RNF182: variants seen among roughly 807,000 people sequenced by gnomAD.
RNF182 encodes the protein ring finger protein 182.
In RNF182, 15 loss-of-function variants were observed where a neutral mutation model predicts 14.4. The ratio of observed to expected loss-of-function variants is 1.04; its 90% confidence interval spans 0.70 to 1.60. The LOEUF (loss-of-function observed/expected upper bound fraction) is 1.60. Among genes scored for constraint, RNF182 ranks in the 40% most tolerant of loss-of-function variants. The pLI, the probability that RNF182 is intolerant of heterozygous loss-of-function variation, is 0.00. For synonymous variants in RNF182, 128 were observed against 122.9 expected (o/e 1.04, Z -0.27); for missense variants, 268 against 294.8 (o/e 0.91, Z 0.67).
At chr6:13,968,451 A>G (rs1029893427) in intron 1 of RNF182, among the ~76,000 whole-genome samples, 3 of 152,256 alleles carry the variant, frequency 2.0e-5, no homozygotes, top group African/African-American at 7.2e-5. Flanking sequence ...TGACAATGGA[A>G]TCATATGAAA....
chr6:13,977,706 C>T lies in RNF182; in HGVS notation c.587C>T (p.Ser196Phe). The T allele has an allele frequency of 6.2e-7, 1 of 1,614,150 alleles. No homozygotes were observed. ...TTGCTAGGTTTGCTCTACTTCAGCT[C>T]CTTACCCTTAGGAATCTACTTACTG... ...VWLLGLLYFSSLPLGIYLLVS... is the reference protein window; with the variant it reads ...VWLLGLLYFSFLPLGIYLLVS... Residue 196 changes from serine to phenylalanine, a missense_variant, in exon 3 of 3, where the codon TCC (serine) becomes TTC (phenylalanine). Coordinates refer to ENST00000488300, the MANE Select transcript of RNF182 (RefSeq NM_152737.4).
At chr6:13,931,256 T>C (rs1368645170) in intron 1 of RNF182, among the ~76,000 whole-genome samples, 1 of 152,226 alleles carries the variant, frequency 6.6e-6, no homozygotes, top group Non-Finnish European at 1.5e-5. Context: ...TTTTGTTTTA[T>C]ACTGTGTTCT....
chr6:13,958,245 G>T (rs1759779314), intron 1 of RNF182, among the ~76,000 whole-genome samples: 1 of 152,060 alleles, frequency 6.6e-6, no homozygotes, highest in African/African-American at 2.4e-5. Context: ...AGTTAGCTGG[G>T]TGTGGTGGTG....
Position 13,968,610 on chromosome 6 carries a change from A to G in RNF182, c.-366-5600A>G, listed in dbSNP as rs150020950. Among the ~76,000 whole-genome samples the G allele has an allele frequency of 1.8e-4, 27 of 152,340 alleles. No individual in the cohort carries two copies. The East Asian group carries it at 4.6e-3, about 26-fold the overall frequency. ...ACAGCACAAAAAAGTCTAGAGACCA[A>G]TTTAATTTTCAGTACAGATGTAAAG... On this transcript the variant is annotated intron_variant, in intron 1 of 2. Transcript: ENST00000488300.
intron 1 of RNF182, among the ~76,000 whole-genome samples, chr6:13,925,657 T>G (rs1308821304): frequency 1.3e-5 from 2 of 152,174 alleles, no homozygotes; most frequent in Non-Finnish European, 2.9e-5. Flanking sequence ...TACCGATACT[T>G]TGTCAAGGAG....
At chr6:13,976,882 T>A in intron 2 of RNF182, 27 bp from the exon 3 acceptor site, 1 of 511,448 alleles carries the variant, frequency 2.0e-6, no homozygotes, top group Non-Finnish European at 3.4e-6. Context: ...CTGTTCATTA[T>A]ATTAGAATCT....
At chr6:13,963,900 C>T (rs763718739) in intron 1 of RNF182, among the ~76,000 whole-genome samples, 2 of 151,980 alleles carry the variant, frequency 1.3e-5, no homozygotes, top group Non-Finnish European at 2.9e-5. Context: ...GACAAGTTGC[C>T]ACACATGATA....
At chr6:13,964,848 T>C (rs280187) in intron 1 of RNF182, among the ~76,000 whole-genome samples, 2 of 151,904 alleles carry the variant, frequency 1.3e-5, no homozygotes, top group Admixed American at 6.6e-5. Flanking sequence ...CATAGTTGGG[T>C]GCGTCCTTTG....
chr6:13,963,284 CTAGG>C (rs1338220363), intron 1 of RNF182, among the ~76,000 whole-genome samples: 1 of 152,116 alleles, frequency 6.6e-6, no homozygotes, highest in African/African-American at 2.4e-5. Flanking sequence ...AAAGAGTCTT[CTAGG>C]TAGGCATGAT....
intron 1 of RNF182, among the ~76,000 whole-genome samples, chr6:13,955,437 T>A (rs980755781): frequency 1.3e-5 from 2 of 152,256 alleles, no homozygotes; most frequent in Non-Finnish European, 2.9e-5. Context: ...TCTTGTGTCT[T>A]TCCCTTGGTT....
intron 1 of RNF182, among the ~76,000 whole-genome samples, chr6:13,926,865 T>C (rs1051659872): frequency 4.6e-5 from 7 of 152,076 alleles, no homozygotes; most frequent in Non-Finnish European, 1.0e-4. Flanking sequence ...GTATTCAAGT[T>C]CAAGGACTTG....
At chr6:13,953,867 A>G (rs979820732) in intron 1 of RNF182, among the ~76,000 whole-genome samples, 6 of 152,162 alleles carry the variant, frequency 3.9e-5, no homozygotes, top group African/African-American at 1.2e-4. Flanking sequence ...CACCTAGCCC[A>G]GGGCTTATGC....
At chr6:13,947,790 G>C (rs1759477465) in intron 1 of RNF182, among the ~76,000 whole-genome samples, 1 of 152,132 alleles carries the variant, frequency 6.6e-6, no homozygotes. Context: ...AAACCAGTTT[G>C]TTTACATTTG....
chr6:13,971,997 G>C (rs1760196992), intron 1 of RNF182, among the ~76,000 whole-genome samples: 1 of 152,182 alleles, frequency 6.6e-6, no homozygotes, highest in Non-Finnish European at 1.5e-5. Context: ...ATTGGAATTT[G>C]TGTTTAAAAG....
intron 1 of RNF182, among the ~76,000 whole-genome samples, chr6:13,972,180 C>A (rs1760204432): frequency 6.6e-6 from 1 of 151,592 alleles, no homozygotes; most frequent in South Asian, 2.1e-4. Flanking sequence ...TGGAACGCGC[C>A]TGTAGTCTCA....
chr6:13,939,278 G>A (rs567390987), intron 1 of RNF182, among the ~76,000 whole-genome samples: 25 of 152,254 alleles, frequency 1.6e-4, no homozygotes, highest in African/African-American at 5.8e-4. Context: ...TGCATTGACT[G>A]TGTAGATCAG....
intron 1 of RNF182, among the ~76,000 whole-genome samples, chr6:13,945,448 CG>C (rs1759414570): frequency 6.6e-6 from 1 of 152,078 alleles, no homozygotes; most frequent in Non-Finnish European, 1.5e-5. Context: ...CCTCAGAGCC[CG>C]TTTAGATGAT....
rs1760429896 is a variant in RNF182, at chr6:13,979,187, T to TAG, written c.*1324_*1325insAG. 25 of 167,074 alleles carry TAG rather than the reference T, an allele frequency of 1.5e-4. No individual in the cohort carries two copies. Among genetic ancestry groups the TAG allele is most frequent in the Admixed American group, 1.3e-3 (20 of 15,286 alleles). The allele number at this position is 167,074 out of a possible 1,614,324, so 10.3% of individuals were successfully genotyped here. A position where few individuals can be genotyped will look rare whatever the true frequency, so the allele number is the denominator to read the frequency against. On this transcript the variant is annotated 3_prime_UTR_variant, in exon 3 of 3. Coordinates refer to ENST00000488300, the MANE Select transcript of RNF182 (RefSeq NM_152737.4). ...TAGGTGATTTGAGTTAATGAACTTC[T>TAG]TTTCATGATGTAGGGAAAGTTGAAT...
intron 1 of RNF182, among the ~76,000 whole-genome samples, chr6:13,928,105 G>C (rs1297021899): frequency 6.6e-6 from 1 of 152,154 alleles, no homozygotes; most frequent in Non-Finnish European, 1.5e-5. Context: ...TTGTGGACGT[G>C]TGTTTCATTT....
Sources: gnomAD v4.1 joint callset for allele counts (sites outside exome capture counted in the v4.1 genomes callset) on GRCh38, gnomAD v4.1.1 for gene constraint, MANE v1.5 for transcripts, NCBI Gene and HGNC (gene_info 2026-07-23, HGNC 2026-07-21) for gene names.